Variants in SUGP1 observed in about 807,000 individuals in gnomAD.
SUGP1 encodes SURP and G-patch domain containing 1.
A neutral mutation model predicts 76.5 loss-of-function variants in SUGP1; 34 were observed. The ratio of observed to expected loss-of-function variants is 0.44; its 90% CI spans 0.34 to 0.59. The LOEUF (loss-of-function observed/expected upper bound fraction) is 0.59. Ranked by LOEUF, SUGP1 falls within the 20% of genes least tolerant of loss-of-function variation. The probability of loss-of-function intolerance (pLI) is 0.01; values close to 1 mark genes in which losing one functional copy is unlikely to be tolerated. For missense variants in SUGP1, 752 were observed against 851.7 expected (o/e 0.88, Z 1.46); for synonymous variants, 326 against 326.2 (o/e 1.00, Z 0.01).
chr19:19,296,947 T>G, intron 8 of SUGP1, 42 bp downstream of exon 8: 1 of 1,481,866 alleles, frequency 6.7e-7, no homozygotes, highest in Non-Finnish European at 9.1e-7. Flanking sequence ...GTGAAAGAAG[T>G]CAGACCCTTC....
At position 19,297,239 on chromosome 19, in the gene SUGP1, A is replaced by C. The variant is rs892895144; in HGVS notation, c.993T>G (p.Asp331Glu). The C allele has an allele frequency of 6.3e-7, 1 of 1,593,206 alleles. No individual in the cohort carries two copies. The highest frequency in any genetic ancestry group is 8.6e-7 in the Non-Finnish European group (1 of 1,165,492). Residue 331 changes from aspartate (D) to glutamate (E), a missense_variant, in exon 8 of 14, where the codon GAT (aspartate) becomes GAG (glutamate). Asp to Glu is a conservative substitution (Grantham distance 45). Coordinates refer to ENST00000247001, the MANE Select transcript of SUGP1 (RefSeq NM_172231.4). ...GAGGGGACTTGCGCTTCAGGCCGGG[A>C]TCAGGTGCTGTGAAGCTGCCTGTGG... ...ASSTGSFTAP[D>E]PGLKRKSPPE...
intron 8 of SUGP1, among the ~76,000 whole-genome samples, chr19:19,288,755 C>CA (rs975210700): frequency 2.0e-5 from 3 of 149,758 alleles, no homozygotes; most frequent in East Asian, 2.0e-4. Context: ...GACCCTGCCT[C>CA]AAAAAAAAAG....
rs1229896504 is a variant in SUGP1 at position 19,306,084 on chromosome 19, A to T, written c.311-8T>A. On this transcript the variant is annotated splice_region_variant and splice_polypyrimidine_tract_variant and intron_variant, in intron 3 of 13. Transcript: ENST00000247001. ...GCGCACTGGTCGGGGCGTCTGGTAT[A>T]GAAGGAAGGATATGCGCACTCGGGA... The T allele has an allele frequency of 6.4e-7, 1 of 1,571,414 alleles. No homozygotes were observed. Among genetic ancestry groups the T allele is most frequent in the African/African-American group, 1.4e-5 (1 of 73,508 alleles).
rs2061237190 is a variant in SUGP1 at position 19,297,495 on chromosome 19, C to T, written c.888-151G>A. ...TCACGGTCTCCACCATGACCTCCTG[C>T]CCTGCCAGGCCTCCTGGCAGTGACT... On this transcript the variant is annotated intron_variant, in intron 7 of 13. Transcript: ENST00000247001. The T allele has an allele frequency of 5.9e-6, 3 of 507,026 alleles. No individual in the cohort carries two copies. In the South Asian group the frequency reaches 1.6e-4, roughly 28 times the overall value. 31.4% of individuals were successfully genotyped at this position (507,026 alleles called of 1,614,324 possible). A position where few individuals can be genotyped will look rare whatever the true frequency, so the allele number is the denominator to read the frequency against.
chr19:19,280,589 C>A (rs1422491047), intron 8 of SUGP1: 1 of 372,070 alleles, frequency 2.7e-6, no homozygotes. Flanking sequence ...GGTCACACAG[C>A]TAACGAGTGA....
At chr19:19,286,954 A>G (rs1427428868) in intron 8 of SUGP1, among the ~76,000 whole-genome samples, 4 of 151,438 alleles carry the variant, frequency 2.6e-5, no homozygotes, top group Non-Finnish European at 5.9e-5. Flanking sequence ...CCAAAAAAAA[A>G]AGCAAAACAA....
chr19:19,280,609 A>G, intron 8 of SUGP1: 1 of 311,868 alleles, frequency 3.2e-6, no homozygotes, highest in Non-Finnish European at 6.1e-6. Flanking sequence ...ACAGGGCAGG[A>G]ATTTGCAGAG....
At chr19:19,277,220 A>C in intron 12 of SUGP1, 144 bp from the exon 13 acceptor site, 3 of 386,712 alleles carry the variant, frequency 7.8e-6, no homozygotes, top group Non-Finnish European at 8.0e-6. Flanking sequence ...TTGAACCTGA[A>C]TGGTCAAGGA....
chr19:19,317,955 C>T (rs1423251894), intron 1 of SUGP1, among the ~76,000 whole-genome samples: 5 of 151,562 alleles, frequency 3.3e-5, no homozygotes, highest in African/African-American at 9.7e-5. Context: ...GGATTACAGG[C>T]GTGAGCCACC....
At chr19:19,310,020 C>G in intron 3 of SUGP1, 77 bp downstream of exon 3, 1 of 1,117,172 alleles carries the variant, frequency 9.0e-7, no homozygotes, top group African/African-American at 1.5e-5. Flanking sequence ...GAGGTGGGAC[C>G]CATCACTTCC....
chr19:19,294,194 A>G (rs1414456084), intron 8 of SUGP1, among the ~76,000 whole-genome samples: 1 of 151,596 alleles, frequency 6.6e-6, no homozygotes, highest in African/African-American at 2.4e-5. Context: ...CTCAAAAGAA[A>G]AAAAAAAAGA....
chr19:19,277,644 C>T (rs945759642), intron 12 of SUGP1, 90 bp downstream of exon 12: 163 of 1,494,122 alleles, frequency 1.1e-4, no homozygotes, highest in Non-Finnish European at 1.4e-4. Context: ...AAGGGAAAAG[C>T]GATGACATAA....
At chr19:19,280,070 G>C in intron 9 of SUGP1, 115 bp downstream of exon 9, 1 of 1,056,872 alleles carries the variant, frequency 9.5e-7, no homozygotes, top group Non-Finnish European at 1.4e-6. Context: ...GGTTCCACCT[G>C]AACACAGGAG....
chr19:19,320,418 C>T, intron 1 of SUGP1, 45 bp downstream of exon 1: 2 of 1,603,330 alleles, frequency 1.2e-6, no homozygotes, highest in Non-Finnish European at 1.7e-6. Flanking sequence ...GACACCTAGC[C>T]CCAGGGACCC....
At chr19:19,291,934 A>ACACACACACACACAC (rs1555788756) in intron 8 of SUGP1, among the ~76,000 whole-genome samples, 6 of 97,950 alleles carry the variant, frequency 6.1e-5, no homozygotes, top group Non-Finnish European at 9.1e-5. Flanking sequence ...CACACACACA[A>ACACACACACACACAC]AAGGGCCAAG....
intron 8 of SUGP1, among the ~76,000 whole-genome samples, chr19:19,282,041 G>A (rs1490071045): frequency 6.6e-6 from 1 of 152,136 alleles, no homozygotes; most frequent in African/African-American, 2.4e-5. Flanking sequence ...GTGCAGTGGT[G>A]CGATCTTGGC....
Position 19,276,661 on chromosome 19 carries a change from C to T in SUGP1, c.1925G>A (p.Arg642Gln), listed in dbSNP as rs2061051653. 1 of 1,614,108 alleles carries T rather than the reference C, an allele frequency of 6.2e-7. No homozygotes were observed. Among genetic ancestry groups the T allele is most frequent in the Non-Finnish European group, 8.5e-7 (1 of 1,180,020 alleles). ...TTTCCAGAACACTCAGTAGTAAGGC[C>T]GTCTGGGATTGTTCTGTGGAAGGCA... ...FRPNPLNNPR[R>Q]PYY The change falls in exon 14 of 14, where the codon CGG becomes CAG. Residue 642 changes from arginine to glutamine, a missense_variant. Around this residue, in one of 2 missense-constraint regions of SUGP1, gnomAD observed 132 missense variants for 234.4 expected, o/e 0.56. Transcript: ENST00000247001.
intron 1 of SUGP1, among the ~76,000 whole-genome samples, chr19:19,319,466 C>T (rs1003893179): frequency 2.0e-5 from 3 of 151,656 alleles, no homozygotes; most frequent in Non-Finnish European, 1.5e-5. Flanking sequence ...GGTGTGGTGG[C>T]TCACACCTTT....
At chr19:19,280,366 G>A in intron 8 of SUGP1, 75 bp from the exon 9 acceptor site, 1 of 1,319,274 alleles carries the variant, frequency 7.6e-7, no homozygotes, top group Non-Finnish European at 1.1e-6. Context: ...GGGGTGTGCT[G>A]TGAGTCTCAC....
Sources: gnomAD v4.1 joint callset for allele counts (sites outside exome capture counted in the v4.1 genomes callset) on GRCh38, gnomAD v4.1.1 for gene constraint, gnomAD v4.1.1 regional missense constraint, MANE v1.5 for transcripts, NCBI Gene and HGNC (gene_info 2026-07-23, HGNC 2026-07-21) for gene names.